NEIL3: variants seen among roughly 807,000 people sequenced by gnomAD.
NEIL3 encodes nei like DNA glycosylase 3, also known as endonuclease 8-like 3.
Under a neutral mutation model 57.5 loss-of-function variants are expected in NEIL3, and 48 were observed. The observed-to-expected ratio is 0.83, with a 90% CI of 0.66 to 1.06. NEIL3 has a LOEUF of 1.06. Among genes scored for constraint, NEIL3 ranks in the 50% least tolerant of loss-of-function variants. The pLI is 0.00. For missense variants in NEIL3, 717 were observed against 739.1 expected (o/e 0.97, Z 0.35); for synonymous variants, 261 against 253.2 (o/e 1.03, Z -0.29).
At chr4:177,330,539 T>G (rs1176639407) in intron 2 of NEIL3, among the ~76,000 whole-genome samples, 2 of 151,626 alleles carry the variant, frequency 1.3e-5, no homozygotes, top group Non-Finnish European at 2.9e-5. Flanking sequence ...AGAAAAAAAA[T>G]CAATGAAGCA....
intron 2 of NEIL3, among the ~76,000 whole-genome samples, chr4:177,333,704 G>A (rs1310163460): frequency 6.6e-6 from 1 of 152,062 alleles, no homozygotes; most frequent in African/African-American, 2.4e-5. Flanking sequence ...GCTCACATCG[G>A]GAATCATTCC....
At chr4:177,337,074 T>C (rs1325204909) in intron 4 of NEIL3, among the ~76,000 whole-genome samples, 2 of 151,572 alleles carry the variant, frequency 1.3e-5, no homozygotes, top group Admixed American at 6.6e-5. Context: ...TGCAGAGACT[T>C]GAACTTATTT....
intron 1 of NEIL3, among the ~76,000 whole-genome samples, chr4:177,313,935 G>T (rs917622789): frequency 6.7e-4 from 102 of 152,250 alleles, no homozygotes; most frequent in Non-Finnish European, 2.9e-5. Context: ...TGTTGTGCAT[G>T]TTATATGGAA....
chr4:177,358,262 A>C (rs1735522933), intron 8 of NEIL3, among the ~76,000 whole-genome samples: 1 of 152,084 alleles, frequency 6.6e-6, no homozygotes, highest in African/African-American at 2.4e-5. Context: ...CCACACTCTG[A>C]GTACCAAGAA....
chr4:177,334,007 T>C (rs11733153), intron 2 of NEIL3, among the ~76,000 whole-genome samples: 32,748 of 151,998 alleles, frequency 0.22, 3,790 homozygotes, highest in Non-Finnish European at 0.27. Context: ...CCTTTTGGGT[T>C]GGTAGAAGGA....
At chr4:177,352,123 A>G (rs566351078) in intron 7 of NEIL3, among the ~76,000 whole-genome samples, 3 of 152,366 alleles carry the variant, frequency 2.0e-5, no homozygotes, top group African/African-American at 7.2e-5. Context: ...ATTAAGAGCC[A>G]TCTCATTGCA....
chr4:177,315,943 A>G (rs1298761130), intron 1 of NEIL3, among the ~76,000 whole-genome samples: 1 of 152,192 alleles, frequency 6.6e-6, no homozygotes, highest in Admixed American at 6.5e-5. Context: ...TCAAAACCAA[A>G]ATTAAGCACA....
At chr4:177,311,397 C>T (rs1465764092) in intron 1 of NEIL3, among the ~76,000 whole-genome samples, 1 of 151,900 alleles carries the variant, frequency 6.6e-6, no homozygotes, top group South Asian at 2.1e-4. Context: ...AGGTGTGGGC[C>T]GGGTGCAGTG....
intron 2 of NEIL3, among the ~76,000 whole-genome samples, chr4:177,326,791 T>G (rs1351204566): frequency 6.6e-6 from 1 of 152,178 alleles, no homozygotes; most frequent in Non-Finnish European, 1.5e-5. Context: ...TGGGTTTTTT[T>G]GGAGCTATTG....
chr4:177,364,926 CAA>C (rs369726919), downstream of NEIL3, among the ~76,000 whole-genome samples: 9 of 99,440 alleles, frequency 9.1e-5, no homozygotes, highest in East Asian at 3.1e-4. Flanking sequence ...GACTCTGTCT[CAA>C]AAAAAAAAAA....
intron 9 of NEIL3, 96 bp from the exon 10 acceptor site, chr4:177,362,193 G>C: frequency 1.3e-6 from 1 of 787,676 alleles, no homozygotes; most frequent in Non-Finnish European, 1.9e-6. Flanking sequence ...TAACAGCAGT[G>C]AAGACTATAT....
At position 177,322,486 on chromosome 4, in the gene NEIL3, C is replaced by T. The variant is rs1444860795; in HGVS notation, c.184C>T (p.Gln62Ter). 5 of 1,613,888 alleles carry T rather than the reference C, an allele frequency of 3.1e-6. No individual in the cohort carries two copies. The highest frequency in any genetic ancestry group is 3.4e-6 in the Non-Finnish European group (4 of 1,179,862). The change falls in exon 2 of 10, where the codon CAG becomes TAG. Residue 62 changes from glutamine to a stop codon, truncating the protein, a stop_gained. Coordinates refer to ENST00000264596, the MANE Select transcript of NEIL3 (RefSeq NM_018248.3). LOFTEE classifies it high-confidence loss of function. The stretch of plus-strand genomic sequence containing the variant: ...TGCTGCACTGAATAATGATTCCAGC[C>T]AGAATGTCTTGAGCCTGTTTAATGG... ...QAAALNNDSS[Q>*]NVLSLFNGYV...
At chr4:177,343,645 C>T (rs1329853510) in intron 6 of NEIL3, 1 of 152,176 alleles carries the variant, frequency 6.6e-6, no homozygotes, top group Non-Finnish European at 1.5e-5. Flanking sequence ...TTCTTGTTCT[C>T]CAATACTTTT....
chr4:177,332,227 A>G (rs1176684035), intron 2 of NEIL3, among the ~76,000 whole-genome samples: 2 of 151,900 alleles, frequency 1.3e-5, no homozygotes, highest in African/African-American at 4.8e-5. Context: ...AGAGCTTCCT[A>G]CCTCTTTTCT....
At chr4:177,320,466 CTTTTTTTTTTT>C (rs34353849) in intron 1 of NEIL3, among the ~76,000 whole-genome samples, 2 of 77,422 alleles carry the variant, frequency 2.6e-5, no homozygotes, top group African/African-American at 5.4e-5. Context: ...TGACTGCTGT[CTTTTTTTTTTT>C]TTTTTTTTTT....
At chr4:177,326,930 C>G (rs527338962) in intron 2 of NEIL3, among the ~76,000 whole-genome samples, 1 of 152,176 alleles carries the variant, frequency 6.6e-6, no homozygotes, top group South Asian at 2.1e-4. Flanking sequence ...GTGTTCCCAC[C>G]CAGATTTCAT....
Position 177,341,575 on chromosome 4 carries a change from G to A in NEIL3, c.802G>A (p.Asp268Asn). 4 of 1,613,762 alleles carry A rather than the reference G, an allele frequency of 2.5e-6. No homozygotes were observed. Among genetic ancestry groups the A allele is most frequent in the South Asian group, 1.1e-5 (1 of 91,066 alleles). ...HCRITVCRFGDNNRMTYFCPH... is the reference protein window; with the variant it reads ...HCRITVCRFGNNNRMTYFCPH... ...CAGAATAACTGTGTGCCGCTTTGGGGACAATAACAGAATGACATATTTCTG... is the reference window on the plus strand; with the variant it reads ...CAGAATAACTGTGTGCCGCTTTGGGAACAATAACAGAATGACATATTTCTG... The change falls in exon 6 of 10, where the codon GAC becomes AAC. Residue 268 changes from aspartate (D) to asparagine (N), a missense_variant. Transcript: ENST00000264596.
intron 1 of NEIL3, among the ~76,000 whole-genome samples, chr4:177,316,436 A>G (rs1386141682): frequency 6.6e-6 from 1 of 152,154 alleles, no homozygotes; most frequent in African/African-American, 2.4e-5. Context: ...AGCTTCTAGT[A>G]GTCATGAGGA....
rs35590146 is a variant in NEIL3, at chr4:177,311,832, A to G, written c.156+1723A>G. On this transcript the variant is annotated intron_variant, in intron 1 of 9. Coordinates refer to ENST00000264596, the MANE Select transcript of NEIL3 (RefSeq NM_018248.3). ...AAATCCAGGTGACAAATTTGGGGTC[A>G]AGTGCTGGTGGTGGAGATGAAGACA... Among the ~76,000 whole-genome samples, 325 of 152,232 alleles carry G rather than the reference A, an allele frequency of 2.1e-3. 8 individuals carry two copies. In the South Asian group the frequency reaches 0.046, roughly 21 times the overall value.
Sources: gnomAD v4.1 joint callset for allele counts (sites outside exome capture counted in the v4.1 genomes callset) on GRCh38, gnomAD v4.1.1 for gene constraint, MANE v1.5 for transcripts, NCBI Gene and HGNC (gene_info 2026-07-23, HGNC 2026-07-21) for gene names.